The following OXCT1 variants were observed in gnomAD, a reference collection of about 807,000 sequenced individuals.
OXCT1 encodes the protein 3-oxoacid CoA-transferase 1.
Under a neutral mutation model 69.6 loss-of-function variants are expected in OXCT1, and 27 were observed. The observed-to-expected ratio is 0.39, with a 90% CI of 0.29 to 0.54. The LOEUF is 0.54. OXCT1 is among the 20% of genes least tolerant of loss of function. The pLI, the probability that OXCT1 is intolerant of heterozygous loss-of-function variation, is 0.72. For missense variants in OXCT1, 437 were observed against 650.2 expected, an observed-to-expected ratio of 0.67 and a Z score of 3.57; for synonymous variants, 202 against 217.8, an observed-to-expected ratio of 0.93 and a Z score of 0.64.
In OXCT1 at chr5:41,870,079, A is replaced by G; in HGVS notation, c.78+202T>C. The G allele has an allele frequency of 1.6e-6, 1 of 628,618 alleles. No individual in the cohort carries two copies. The highest frequency in any genetic ancestry group is 2.8e-5 in the East Asian group (1 of 35,416). 38.9% of individuals were successfully genotyped at this position (628,618 alleles called of 1,614,324 possible). A position where few individuals can be genotyped will look rare whatever the true frequency, so the allele number is the denominator to read the frequency against. Reference sequence around the variant, plus strand: ...CTCGCTCCATCAGGGAAGCGACTGCAGAACCAAGCAAAGGCGGTCATCCGA... The same window carrying G: ...CTCGCTCCATCAGGGAAGCGACTGCGGAACCAAGCAAAGGCGGTCATCCGA... On this transcript the variant is annotated intron_variant, in intron 1 of 16. Coordinates refer to ENST00000196371, the MANE Select transcript of OXCT1 (RefSeq NM_000436.4). This position sits in a 1 kb window ranked among gnomAD's most constrained non-coding sequence, Gnocchi z 4.2.
intron 7 of OXCT1, among the ~76,000 whole-genome samples, chr5:41,837,986 T>C (rs1408691110): frequency 2.0e-5 from 3 of 152,198 alleles, no homozygotes; most frequent in Admixed American, 2.0e-4. Flanking sequence ...AATGCCTGAA[T>C]AGTAGCTAAC....
intron 6 of OXCT1, 73 bp downstream of exon 6, chr5:41,842,602 A>G (rs1448235771): frequency 1.9e-6 from 2 of 1,070,726 alleles, no homozygotes; most frequent in African/African-American, 3.1e-5. Flanking sequence ...ACATTTTTAA[A>G]TTCCAAATTC....
chr5:41,746,150 C>T (rs1388535195), intron 15 of OXCT1, among the ~76,000 whole-genome samples: 1 of 152,130 alleles, frequency 6.6e-6, no homozygotes, highest in African/African-American at 2.4e-5. Flanking sequence ...AAAAAATCCT[C>T]AATAAAATAC....
intron 7 of OXCT1, among the ~76,000 whole-genome samples, chr5:41,833,213 G>A (rs1300015555): frequency 6.6e-6 from 1 of 152,078 alleles, no homozygotes; most frequent in African/African-American, 2.4e-5. Flanking sequence ...CCTTTTGCGA[G>A]TTAATCAAAT....
At chr5:41,859,880 T>TTAC (rs1554019106) in intron 3 of OXCT1, among the ~76,000 whole-genome samples, 1 of 119,092 alleles carries the variant, frequency 8.4e-6, no homozygotes, top group Admixed American at 8.5e-5. Context: ...TATATATATA[T>TTAC]ATATATGTAA....
At chr5:41,739,180 T>C (rs1235639847) in intron 16 of OXCT1, among the ~76,000 whole-genome samples, 1 of 152,220 alleles carries the variant, frequency 6.6e-6, no homozygotes, top group Non-Finnish European at 1.5e-5. Context: ...TTCCTGCTTC[T>C]GAGTCCTAAG....
At chr5:41,867,196 C>A (rs1176009155) in intron 1 of OXCT1, among the ~76,000 whole-genome samples, 5 of 152,088 alleles carry the variant, frequency 3.3e-5, no homozygotes, top group Non-Finnish European at 7.4e-5. Context: ...GACAGCAAAG[C>A]TTTTGAAACA....
intron 13 of OXCT1, among the ~76,000 whole-genome samples, chr5:41,787,413 T>A (rs541887223): frequency 2.0e-5 from 3 of 152,108 alleles, no homozygotes; most frequent in South Asian, 4.1e-4. Context: ...ATTTGCAAGC[T>A]GCAGTACAGG....
At chr5:41,790,399 A>G (rs754336496) in intron 13 of OXCT1, among the ~76,000 whole-genome samples, 4 of 152,236 alleles carry the variant, frequency 2.6e-5, no homozygotes, top group Non-Finnish European at 5.9e-5. Flanking sequence ...AGCGAGCTTG[A>G]AGGAGCCAAC....
chr5:41,736,422 T>A (rs1579624663), intron 16 of OXCT1, among the ~76,000 whole-genome samples: 1 of 152,368 alleles, frequency 6.6e-6, no homozygotes, highest in Admixed American at 6.5e-5. Context: ...TTTAAAGTTA[T>A]GTTTCATGTG....
intron 3 of OXCT1, among the ~76,000 whole-genome samples, chr5:41,859,460 G>C (rs1749615985): frequency 1.3e-5 from 2 of 152,108 alleles, no homozygotes; most frequent in African/African-American, 4.8e-5. Flanking sequence ...TTTGTGGGTG[G>C]AAGACAAACA....
rs868149529 is a variant in OXCT1 at position 41,775,037 on chromosome 5, T to C, written c.1249-12837A>G. Among the ~76,000 whole-genome samples, 126 of 152,266 alleles carry C rather than the reference T, an allele frequency of 8.3e-4. 2 individuals are homozygous for C. Among genetic ancestry groups the C allele is most frequent in the African/African-American group, 2.1e-3 (86 of 41,544 alleles). On this transcript the variant is annotated intron_variant, in intron 13 of 16. Transcript: ENST00000196371. ...TGGGAGAGAAGAGACAAATCTTCTC[T>C]CCAGAAGAATTGCAAAATACATAAT...
intron 7 of OXCT1, among the ~76,000 whole-genome samples, chr5:41,836,697 C>T (rs748452442): frequency 6.6e-6 from 1 of 152,054 alleles, no homozygotes; most frequent in Non-Finnish European, 1.5e-5. Flanking sequence ...AACAGGGTTC[C>T]CACTCCTATG....
intron 3 of OXCT1, 88 bp from the exon 4 acceptor site, chr5:41,853,642 A>C (rs1749291168): frequency 7.1e-7 from 1 of 1,404,672 alleles, no homozygotes; most frequent in Non-Finnish European, 9.9e-7. Flanking sequence ...TGTTAATTTA[A>C]AGAAAAATAA....
intron 16 of OXCT1, among the ~76,000 whole-genome samples, chr5:41,738,213 A>G (rs989806798): frequency 6.6e-6 from 1 of 152,182 alleles, no homozygotes; most frequent in Non-Finnish European, 1.5e-5. Flanking sequence ...TTCTCATTAT[A>G]AATATATTTC....
At chr5:41,839,356 T>C (rs967942532) in intron 7 of OXCT1, among the ~76,000 whole-genome samples, 24 of 152,230 alleles carry the variant, frequency 1.6e-4, no homozygotes, top group African/African-American at 5.8e-4. Context: ...TGTAAAACTA[T>C]TGATTATTTT....
intron 7 of OXCT1, among the ~76,000 whole-genome samples, chr5:41,834,852 T>G (rs1748278314): frequency 6.6e-6 from 1 of 151,668 alleles, no homozygotes; most frequent in Non-Finnish European, 1.5e-5. Flanking sequence ...CAGATAAAAA[T>G]TACTAAGAGG....
intron 7 of OXCT1, among the ~76,000 whole-genome samples, chr5:41,829,790 A>C (rs1748002475): frequency 2.0e-5 from 3 of 152,152 alleles, no homozygotes; most frequent in Admixed American, 2.0e-4. Flanking sequence ...GAAATAGCAA[A>C]TATTAACGTA....
chr5:41,738,922 C>T (rs1386524067), intron 16 of OXCT1, among the ~76,000 whole-genome samples: 1 of 152,062 alleles, frequency 6.6e-6, no homozygotes, highest in Non-Finnish European at 1.5e-5. Context: ...ATGTCAGAGG[C>T]CCAACATTTT....
Sources: gnomAD v4.1 joint callset for allele counts (sites outside exome capture counted in the v4.1 genomes callset) on GRCh38, gnomAD v4.1.1 for gene constraint, Gnocchi (gnomAD v3.1) non-coding constraint, MANE v1.5 for transcripts, NCBI Gene and HGNC (gene_info 2026-07-23, HGNC 2026-07-21) for gene names.